The following COTL1 variants were observed in gnomAD, a reference collection of about 807,000 sequenced individuals.
The protein encoded by COTL1 is coactosin-like protein.
COTL1 carries 15 observed loss-of-function variants against 16.5 expected under a neutral mutation model. The observed-to-expected ratio is 0.91, with a 90% CI of 0.61 to 1.40. The LOEUF is 1.40. COTL1 is among the 40% of genes most tolerant of loss of function. The pLI, the probability that COTL1 is intolerant of heterozygous loss-of-function variation, is 0.00. For missense variants in COTL1, 220 were observed against 201.5 expected (o/e 1.09, Z -0.56); for synonymous variants, 112 against 85.3 (o/e 1.31, Z -1.73).
chr16:84,611,213 T>G (rs16974276), intron 2 of COTL1, among the ~76,000 whole-genome samples: 3,643 of 152,258 alleles, frequency 0.024, 145 homozygotes, highest in African/African-American at 0.083. Flanking sequence ...ACCAATCAGC[T>G]CTAAAATCTG....
chr16:84,590,851 G>A lies in COTL1; in HGVS notation c.161-589C>T, dbSNP rs924853119. Among the ~76,000 whole-genome samples the A allele has an allele frequency of 6.6e-6, 1 of 152,140 alleles. No homozygotes were observed. Among genetic ancestry groups the A allele is most frequent in the Non-Finnish European group, 1.5e-5 (1 of 68,026 alleles). On this transcript the variant is annotated intron_variant, in intron 2 of 3. Coordinates refer to ENST00000262428, the MANE Select transcript of COTL1 (RefSeq NM_021149.5). The surrounding 1 kb of genome is among the most constrained non-coding windows in gnomAD (Gnocchi z 5.5). ...TAGAGAGACAGGAGGGGCAAGGGGG[G>A]TGCTGGGTATGAAGAGGAAACAAAG... is the stretch of plus-strand genomic sequence containing the variant.
intron 2 of COTL1, among the ~76,000 whole-genome samples, chr16:84,591,827 T>TAAAATAAAATA (rs1904874368): frequency 1.2e-5 from 1 of 85,290 alleles, no homozygotes; most frequent in Non-Finnish European, 2.2e-5. Flanking sequence ...CTGTCTCAAA[T>TAAAATAAAATA]AAAATAAAAT....
intron 2 of COTL1, among the ~76,000 whole-genome samples, chr16:84,604,405 T>G (rs1225472997): frequency 2.0e-5 from 3 of 148,522 alleles, no homozygotes; most frequent in Non-Finnish European, 3.0e-5. Context: ...TTCTTTATGC[T>G]TTTTCATCCT....
At chr16:84,600,371 G>A (rs2150692271) in intron 2 of COTL1, among the ~76,000 whole-genome samples, 1 of 146,014 alleles carries the variant, frequency 6.8e-6, no homozygotes, top group Non-Finnish European at 1.5e-5. Flanking sequence ...GCAGTGCCGT[G>A]GCACGATCTC....
intron 3 of COTL1, among the ~76,000 whole-genome samples, chr16:84,571,456 G>T (rs1348994997): frequency 6.6e-6 from 1 of 152,118 alleles, no homozygotes; most frequent in Non-Finnish European, 1.5e-5. Context: ...CTGGTTAAGC[G>T]GCAGTCATGC....
At chr16:84,589,001 C>T (rs901075670) in intron 3 of COTL1, among the ~76,000 whole-genome samples, 6 of 151,702 alleles carry the variant, frequency 4.0e-5, no homozygotes, top group Admixed American at 6.6e-5. Context: ...GACAGGAATT[C>T]GCTCTGTTGC....
At position 84,574,920 on chromosome 16, in the gene COTL1, T is replaced by C. The variant is rs537021510; in HGVS notation, c.319-7965A>G. Reference sequence around the variant, plus strand: ...CTCCACCTTTCTGAGGAGGGTAATATAGCAGAGGGTACGGGTTAGGTACAG... The same window carrying C: ...CTCCACCTTTCTGAGGAGGGTAATACAGCAGAGGGTACGGGTTAGGTACAG... On this transcript the variant is annotated intron_variant, in intron 3 of 3. Coordinates refer to ENST00000262428, the MANE Select transcript of COTL1 (RefSeq NM_021149.5). Among the ~76,000 whole-genome samples, 14 of 152,336 alleles carry C rather than the reference T, an allele frequency of 9.2e-5. No homozygotes were observed. The East Asian group carries it at 1.9e-3, about 21-fold the overall frequency.
intron 3 of COTL1, among the ~76,000 whole-genome samples, chr16:84,580,937 C>T (rs2052907): frequency 0.37 from 55,834 of 151,874 alleles, 11,474 homozygotes; most frequent in African/African-American, 0.56. Flanking sequence ...TGAGGTCAGT[C>T]TGAGACCAGC....
intron 2 of COTL1, among the ~76,000 whole-genome samples, chr16:84,604,987 G>A (rs1406976731): frequency 6.6e-6 from 1 of 152,242 alleles, no homozygotes; most frequent in Non-Finnish European, 1.5e-5. Flanking sequence ...GGATTTCCTG[G>A]GAAAGTCTCT....
chr16:84,573,862 T>C (rs192381140), intron 3 of COTL1, among the ~76,000 whole-genome samples: 8 of 151,680 alleles, frequency 5.3e-5, no homozygotes, highest in Middle Eastern at 6.8e-3. Context: ...CTGAACAAAA[T>C]AGTGAAGGGA....
At chr16:84,594,192 G>T (rs1431165752) in intron 2 of COTL1, among the ~76,000 whole-genome samples, 5 of 149,374 alleles carry the variant, frequency 3.3e-5, no homozygotes, top group Admixed American at 6.7e-5. Flanking sequence ...AGACATTTGG[G>T]ATCCTTCCAA....
At chr16:84,570,883 T>C (rs1034054798) in intron 3 of COTL1, among the ~76,000 whole-genome samples, 3 of 151,812 alleles carry the variant, frequency 2.0e-5, no homozygotes, top group Non-Finnish European at 4.4e-5. Context: ...CCTGTATTCC[T>C]ATTTCGTTTC....
chr16:84,607,686 G>A (rs924178263), intron 2 of COTL1, among the ~76,000 whole-genome samples: 1 of 152,120 alleles, frequency 6.6e-6, no homozygotes, highest in African/African-American at 2.4e-5. Flanking sequence ...TGAGCGTTTG[G>A]ACCTTATGGA....
rs375536912 is a variant in COTL1, at chr16:84,574,709, G to A, written c.319-7754C>T. 2.0e-4 allele frequency among the ~76,000 whole-genome samples: 31 copies of A among 152,112 alleles called. No homozygotes were observed. In the East Asian group the frequency reaches 5.4e-3, roughly 27 times the overall value. On this transcript the variant is annotated intron_variant, in intron 3 of 3. Coordinates refer to ENST00000262428, the MANE Select transcript of COTL1 (RefSeq NM_021149.5). ...AGTGATTCTCCTGCCTCTACCTCCT[G>A]AGTAGCTGGGATTACAGACAACCAC... is the stretch of plus-strand genomic sequence containing the variant.
intron 3 of COTL1, among the ~76,000 whole-genome samples, chr16:84,583,778 C>G (rs1415533844): frequency 6.6e-6 from 1 of 152,128 alleles, no homozygotes; most frequent in Non-Finnish European, 1.5e-5. Flanking sequence ...GGCTCAGAAG[C>G]TATCAGAATA....
intron 1 of COTL1, 103 bp from the exon 2 acceptor site, chr16:84,617,686 G>A (rs1905533036): frequency 7.1e-7 from 1 of 1,405,638 alleles, no homozygotes; most frequent in Non-Finnish European, 9.8e-7. Context: ...TGGCCACGGA[G>A]AAGCCCGCGG....
chr16:84,607,349 C>A (rs1567540132), intron 2 of COTL1, among the ~76,000 whole-genome samples: 1 of 152,116 alleles, frequency 6.6e-6, no homozygotes, highest in Non-Finnish European at 1.5e-5. Context: ...CAGCGCGGCA[C>A]AGGGGAAGAG....
chr16:84,586,773 G>C (rs113134352), intron 3 of COTL1, among the ~76,000 whole-genome samples: 5,296 of 152,006 alleles, frequency 0.035, 296 homozygotes, highest in African/African-American at 0.12. Context: ...TTTTAGTAGA[G>C]ACGGGGTTTG....
intron 3 of COTL1, among the ~76,000 whole-genome samples, chr16:84,583,821 C>T (rs989186722): frequency 2.0e-5 from 3 of 152,140 alleles, no homozygotes; most frequent in African/African-American, 7.2e-5. Flanking sequence ...CCATCCCTGG[C>T]ACGTCCATCC....
Sources: gnomAD v4.1 joint callset for allele counts (sites outside exome capture counted in the v4.1 genomes callset) on GRCh38, gnomAD v4.1.1 for gene constraint, Gnocchi (gnomAD v3.1) non-coding constraint, MANE v1.5 for transcripts, NCBI Gene and HGNC (gene_info 2026-07-23, HGNC 2026-07-21) for gene names.